Variants in IL7 observed in about 807,000 individuals in gnomAD.
IL7 encodes interleukin-7.
Under a neutral mutation model 21.6 loss-of-function variants are expected in IL7, and 3 were observed. The ratio of observed to expected loss-of-function variants is 0.14; its 90% CI spans 0.06 to 0.36. IL7 has a LOEUF of 0.36. IL7 is among the 10% of genes least tolerant of loss of function. The pLI is 1.00. For missense variants in IL7, 175 were observed against 200.2 expected, an observed-to-expected ratio of 0.87 and a Z score of 0.76; for synonymous variants, 62 against 68.1, an observed-to-expected ratio of 0.91 and a Z score of 0.44.
chr8:78,688,912 CA>C (rs1197765081), intron 3 of IL7, among the ~76,000 whole-genome samples: 1 of 151,656 alleles, frequency 6.6e-6, no homozygotes, highest in African/African-American at 2.4e-5. Flanking sequence ...AACATAAAGG[CA>C]AAAAAGAAAT....
intron 2 of IL7, among the ~76,000 whole-genome samples, chr8:78,797,486 A>AGG (rs1813897707): frequency 6.6e-6 from 1 of 152,034 alleles, no homozygotes; most frequent in Non-Finnish European, 1.5e-5. Flanking sequence ...GCAGAGAGAG[A>AGG]GAGAGCATAT....
chr8:78,717,392 C>T (rs1234562122), downstream of IL7: 2 of 1,613,612 alleles, frequency 1.2e-6, no homozygotes, highest in East Asian at 4.5e-5. Context: ...AGGACATTCA[C>T]CTGGAAACTT....
chr8:78,693,941 T>G (rs1470071668), intron 3 of IL7, among the ~76,000 whole-genome samples: 13 of 152,204 alleles, frequency 8.5e-5, no homozygotes, highest in Non-Finnish European at 1.8e-4. Context: ...AGTTTCAGCT[T>G]TCTACATATG....
intron 2 of IL7, among the ~76,000 whole-genome samples, chr8:78,772,389 TA>T (rs900636115): frequency 5.9e-5 from 9 of 151,996 alleles, no homozygotes; most frequent in Non-Finnish European, 1.0e-4. Flanking sequence ...ATGTCTACTT[TA>T]AAAAAAATAT....
At chr8:78,766,097 G>A (rs1268026330) in intron 2 of IL7, among the ~76,000 whole-genome samples, 1 of 152,120 alleles carries the variant, frequency 6.6e-6, no homozygotes, top group Non-Finnish European at 1.5e-5. Flanking sequence ...TACAGTTTGA[G>A]TGCAACTATG....
intron 2 of IL7, among the ~76,000 whole-genome samples, chr8:78,781,707 C>A (rs1032272044): frequency 1.3e-5 from 2 of 151,972 alleles, no homozygotes; most frequent in African/African-American, 2.4e-5. Context: ...TGGAGTGGTT[C>A]TTCTCATGGC....
At chr8:78,774,356 T>C (rs932533017) in intron 2 of IL7, among the ~76,000 whole-genome samples, 9 of 152,136 alleles carry the variant, frequency 5.9e-5, no homozygotes, top group Non-Finnish European at 1.3e-4. Context: ...TAAGTATATA[T>C]TAATTATATT....
chr8:78,752,942 G>A (rs2130739014), intron 2 of IL7, among the ~76,000 whole-genome samples: 1 of 152,136 alleles, frequency 6.6e-6, no homozygotes, highest in East Asian at 1.9e-4. Context: ...TTTTATGGCT[G>A]TATAGTATTC....
chr8:78,796,100 A>G (rs1043439391), intron 2 of IL7, among the ~76,000 whole-genome samples: 2 of 152,040 alleles, frequency 1.3e-5, no homozygotes, highest in South Asian at 2.1e-4. Context: ...AATCAATCAC[A>G]TTGTATTGAT....
rs781044570 is a variant in IL7 at position 78,697,500 on chromosome 8, G to A, written n.215-11553C>T. The A allele has an allele frequency of 3.7e-5, 60 of 1,605,490 alleles. No individual in the cohort carries two copies. Among genetic ancestry groups the A allele is most frequent in the Non-Finnish European group, 4.3e-5 (51 of 1,177,858 alleles). The stretch of plus-strand genomic sequence containing the variant: ...GCAGCCAAGTGGCGCTGGCAAAACT[G>A]TTGTAGGTAATGATAGCCGAAAAGC... On this transcript the variant is annotated intron_variant and non_coding_transcript_variant, in intron 3 of 4. Coordinates refer to the IL7 transcript ENST00000523959.
intron 2 of IL7, among the ~76,000 whole-genome samples, chr8:78,771,961 G>A (rs1319991772): frequency 1.3e-5 from 2 of 152,072 alleles, no homozygotes; most frequent in African/African-American, 4.8e-5. Flanking sequence ...GCCCCAAAGA[G>A]GAGAGGAAGT....
chr8:78,680,286 C>CAAAAAA (rs3070855), intron 4 of IL7, among the ~76,000 whole-genome samples: 7 of 88,146 alleles, frequency 7.9e-5, no homozygotes, highest in African/African-American at 3.2e-4. Flanking sequence ...GACTCCGTCT[C>CAAAAAA]AAAAAAAAAA....
At chr8:78,742,546 A>G (rs1465824504) in intron 2 of IL7, among the ~76,000 whole-genome samples, 1 of 152,066 alleles carries the variant, frequency 6.6e-6, no homozygotes, top group East Asian at 1.9e-4. Context: ...TTTAACTCTT[A>G]TAGTAGAGGA....
At chr8:78,715,470 C>A, downstream of IL7, 1 of 688,880 alleles carries the variant, frequency 1.5e-6, no homozygotes. Context: ...AAGTTGTACA[C>A]CTCTAATGGA....
chr8:78,727,200 A>G (rs1563410215), intron 3 of IL7, among the ~76,000 whole-genome samples: 1 of 151,884 alleles, frequency 6.6e-6, no homozygotes, highest in Non-Finnish European at 1.5e-5. Flanking sequence ...AAACCTTGCA[A>G]CTTCCTCTCC....
intron 2 of IL7, among the ~76,000 whole-genome samples, chr8:78,748,163 G>T (rs1310749859): frequency 6.6e-6 from 1 of 152,168 alleles, no homozygotes; most frequent in African/African-American, 2.4e-5. Flanking sequence ...AAGAAGTTTT[G>T]TATCAATCCT....
At chr8:78,790,791 T>G (rs1813662459) in intron 2 of IL7, among the ~76,000 whole-genome samples, 1 of 151,878 alleles carries the variant, frequency 6.6e-6, no homozygotes, top group South Asian at 2.1e-4. Flanking sequence ...TATAAAATAT[T>G]GTTAAAAGAA....
chr8:78,714,065 A>G (rs1280458902), downstream of IL7, among the ~76,000 whole-genome samples: 1 of 152,252 alleles, frequency 6.6e-6, no homozygotes, highest in East Asian at 1.9e-4. Flanking sequence ...AAGAACCTCT[A>G]ATCTGGAGGT....
downstream of IL7, chr8:78,715,345 T>G (rs1382271537): frequency 6.3e-7 from 1 of 1,586,000 alleles, no homozygotes; most frequent in Non-Finnish European, 8.6e-7. Context: ...TTAGCTCTGC[T>G]CTCCCAATAA....
Sources: gnomAD v4.1 joint callset for allele counts (sites outside exome capture counted in the v4.1 genomes callset) on GRCh38, gnomAD v4.1.1 for gene constraint, MANE v1.5 for transcripts, NCBI Gene and HGNC (gene_info 2026-07-23, HGNC 2026-07-21) for gene names.